Variants in PLXDC2 observed in about 807,000 individuals in gnomAD.
PLXDC2 encodes plexin domain-containing protein 2.
A neutral mutation model predicts 68.9 loss-of-function variants in PLXDC2; 40 were observed. That is an observed-to-expected ratio of 0.58 (90% CI 0.45 to 0.76). PLXDC2 has a LOEUF of 0.76. Ranked by LOEUF, PLXDC2 falls within the 30% of genes least tolerant of loss-of-function variation. PLXDC2 has a pLI of 0.00. For synonymous variants in PLXDC2, 243 were observed against 234.2 expected (o/e 1.04, Z -0.34); for missense variants, 644 against 661.9 (o/e 0.97, Z 0.30).
chr10:20,154,723 T>G (rs1327360580), intron 6 of PLXDC2, among the ~76,000 whole-genome samples: 1 of 152,148 alleles, frequency 6.6e-6, no homozygotes, highest in African/African-American at 2.4e-5. Context: ...GCATTTGTAA[T>G]CACTCTGGAC....
At chr10:20,160,509 A>C (rs184471496) in intron 6 of PLXDC2, among the ~76,000 whole-genome samples, 64 of 152,294 alleles carry the variant, frequency 4.2e-4, no homozygotes, top group African/African-American at 1.4e-3. Context: ...CATTTGAAAA[A>C]AATTTAATTT....
intron 4 of PLXDC2, among the ~76,000 whole-genome samples, chr10:20,074,427 A>C (rs958135104): frequency 1.4e-4 from 21 of 149,704 alleles, no homozygotes; most frequent in South Asian, 2.1e-4. Flanking sequence ...TTTCCCTCCC[A>C]AAAAAAAATA....
chr10:20,115,125 C>T (rs1475216798), intron 4 of PLXDC2, among the ~76,000 whole-genome samples: 26 of 152,068 alleles, frequency 1.7e-4, no homozygotes, highest in East Asian at 5.8e-4. Flanking sequence ...GGATAGTAGT[C>T]GTGTTGCCAT....
At chr10:19,854,724 G>C (rs1056627922) in intron 1 of PLXDC2, among the ~76,000 whole-genome samples, 2 of 152,146 alleles carry the variant, frequency 1.3e-5, no homozygotes, top group African/African-American at 4.8e-5. Flanking sequence ...AGTGTCTTTG[G>C]GTAATTGGTG....
chr10:19,882,310 A>G (rs1268429100), intron 1 of PLXDC2, among the ~76,000 whole-genome samples: 1 of 152,240 alleles, frequency 6.6e-6, no homozygotes, highest in Non-Finnish European at 1.5e-5. Context: ...TAGAGCAGCA[A>G]CGTTAACCTG....
At chr10:19,850,120 C>T (rs1379355477) in intron 1 of PLXDC2, among the ~76,000 whole-genome samples, 1 of 152,132 alleles carries the variant, frequency 6.6e-6, no homozygotes, top group Non-Finnish European at 1.5e-5. Context: ...CTAAAGAGAG[C>T]AATGGTCAGG....
chr10:19,838,194 C>T (rs557701316), intron 1 of PLXDC2, among the ~76,000 whole-genome samples: 163 of 152,188 alleles, frequency 1.1e-3, no homozygotes, highest in African/African-American at 3.9e-3. Context: ...AACTTTTGGG[C>T]TCTAGCAGTC....
chr10:20,010,561 A>G (rs1835095184), intron 2 of PLXDC2, among the ~76,000 whole-genome samples: 1 of 152,232 alleles, frequency 6.6e-6, no homozygotes, highest in Non-Finnish European at 1.5e-5. Context: ...AAAGAGTTCC[A>G]TGAAGAATAA....
chr10:20,237,721 A>G (rs1466896827), intron 12 of PLXDC2, among the ~76,000 whole-genome samples: 1 of 152,202 alleles, frequency 6.6e-6, no homozygotes, highest in Non-Finnish European at 1.5e-5. Context: ...TGAAGCTTTA[A>G]AAGAGCACAT....
At chr10:20,277,228 AAAAAAAG>A in intron 13 of PLXDC2, among the ~76,000 whole-genome samples, 2 of 150,568 alleles carry the variant, frequency 1.3e-5, no homozygotes, top group African/African-American at 2.5e-5. Flanking sequence ...AAAAAAAAAA[AAAAAAAG>A]AGTCCCATTC....
At chr10:20,081,874 A>G (rs1836564689) in intron 4 of PLXDC2, among the ~76,000 whole-genome samples, 1 of 151,776 alleles carries the variant, frequency 6.6e-6, no homozygotes, top group South Asian at 2.1e-4. Context: ...CCCCATCTCT[A>G]CTAGAAAAAA....
chr10:20,267,850 T>TA (rs1835890584), intron 13 of PLXDC2, among the ~76,000 whole-genome samples: 1 of 151,922 alleles, frequency 6.6e-6, no homozygotes, highest in Non-Finnish European at 1.5e-5. Flanking sequence ...CTTTTTTTTT[T>TA]TTATTTTTGA....
intron 6 of PLXDC2, among the ~76,000 whole-genome samples, chr10:20,157,339 C>T (rs1224113797): frequency 1.3e-5 from 2 of 152,106 alleles, no homozygotes; most frequent in African/African-American, 2.4e-5. Flanking sequence ...GTTAGATAGG[C>T]ATATGATTCA....
intron 1 of PLXDC2, among the ~76,000 whole-genome samples, chr10:19,994,899 C>T (rs1197396791): frequency 5.3e-5 from 8 of 151,974 alleles, no homozygotes; most frequent in African/African-American, 9.7e-5. Flanking sequence ...TGCACCACCA[C>T]GCCTGGCTAA....
At chr10:19,979,522 AC>A (rs150290135) in intron 1 of PLXDC2, among the ~76,000 whole-genome samples, 7,922 of 151,982 alleles carry the variant, frequency 0.052, 265 homozygotes, top group Middle Eastern at 0.092. Flanking sequence ...GCAGGCACCC[AC>A]GACCATGCCT....
intron 8 of PLXDC2, 61 bp downstream of exon 8, chr10:20,177,155 T>C (rs1834539051): frequency 7.1e-7 from 1 of 1,413,826 alleles, no homozygotes; most frequent in South Asian, 1.2e-5. Flanking sequence ...ATCTGATCTG[T>C]TCAATAGTTA....
At chr10:19,911,055 G>A (rs1833262006) in intron 1 of PLXDC2, among the ~76,000 whole-genome samples, 2 of 141,226 alleles carry the variant, frequency 1.4e-5, no homozygotes, top group African/African-American at 5.0e-5. Context: ...CTTAGTTTAT[G>A]CCTCATCTCG....
intron 3 of PLXDC2, among the ~76,000 whole-genome samples, chr10:20,053,646 A>C (rs1037307161): frequency 1.3e-5 from 2 of 152,078 alleles, no homozygotes; most frequent in African/African-American, 4.8e-5. Context: ...GTTTGATTCA[A>C]CTGCCAGACA....
chr10:20,144,280 T>C (rs1834044924), intron 5 of PLXDC2, among the ~76,000 whole-genome samples: 1 of 152,166 alleles, frequency 6.6e-6, no homozygotes, highest in Non-Finnish European at 1.5e-5. Context: ...TTTCTACTTT[T>C]ATCTTATTTC....
Sources: allele counts gnomAD v4.1 joint callset (sites outside exome capture counted in the v4.1 genomes callset), GRCh38; gene constraint gnomAD v4.1.1; transcripts MANE v1.5; gene names NCBI Gene and HGNC (gene_info 2026-07-23, HGNC 2026-07-21).